The following ZNF235 variants were observed in gnomAD, a reference collection of about 807,000 sequenced individuals.
ZNF235 encodes the protein zinc finger protein 235, also known as zfp-93.
A neutral mutation model predicts 29.4 loss-of-function variants in ZNF235; 25 were observed. The observed-to-expected ratio is 0.85, with a 90% confidence interval of 0.62 to 1.19. The LOEUF (loss-of-function observed/expected upper bound fraction) is 1.19. ZNF235 is among the 50% of genes most tolerant of loss of function. The pLI, the probability that ZNF235 is intolerant of heterozygous loss-of-function variation, is 0.00. For synonymous variants in ZNF235, 300 were observed against 295.3 expected (o/e 1.02, Z -0.16); for missense variants, 788 against 885.0 (o/e 0.89, Z 1.39).
intron 3 of ZNF235, 85 bp downstream of exon 3, chr19:44,299,521 T>C (rs566203320): frequency 8.4e-6 from 13 of 1,555,448 alleles, no homozygotes; most frequent in African/African-American, 1.4e-5. Context: ...GATAGCCTGA[T>C]ACAACACAGA....
rs1189500670 is a variant in ZNF235 at position 44,286,998 on chromosome 19, T to C, written c.*220A>G. On this transcript the variant is annotated 3_prime_UTR_variant, in exon 5 of 5. Coordinates refer to ENST00000291182, the MANE Select transcript of ZNF235 (RefSeq NM_004234.4). ...GGTACTCTGATATAAACACTGATCA[T>C]ATTTACAGAACAAAGTTTTCTCGCA... The C allele has an allele frequency of 3.9e-6, 2 of 507,022 alleles. No homozygotes were observed. Among genetic ancestry groups the C allele is most frequent in the Non-Finnish European group, 6.8e-6 (2 of 292,624 alleles). 31.4% of individuals were successfully genotyped at this position (507,022 alleles called of 1,614,324 possible). A position where few individuals can be genotyped will look rare whatever the true frequency, so the allele number is the denominator to read the frequency against.
rs777249901 is a variant in ZNF235, at chr19:44,287,240, ACT to A, written c.2193_2194del (p.Arg731SerfsTer47). 3 of 1,605,886 alleles carry A rather than the reference ACT, an allele frequency of 1.9e-6. No individual in the cohort carries two copies. The highest frequency in any genetic ancestry group is 1.7e-5 in the Admixed American group (1 of 59,516). ...TTTCTACAGATTCCCTCCAGTGTGG[ACT>A]CTCTGATGGTAGATGAGATGTGACC... On this transcript the variant is annotated frameshift_variant, in exon 5 of 5. Transcript: ENST00000291182. LOFTEE classifies it high-confidence loss of function.
intron 4 of ZNF235, 75 bp from the exon 5 acceptor site, chr19:44,289,271 C>T: frequency 7.5e-7 from 1 of 1,341,574 alleles, no homozygotes. Context: ...AAGATCTAAG[C>T]TCTCATTTTC....
At chr19:44,298,975 T>G in intron 3 of ZNF235, 72 bp from the exon 4 acceptor site, 1 of 1,117,650 alleles carries the variant, frequency 8.9e-7, no homozygotes, top group Non-Finnish European at 1.3e-6. Flanking sequence ...TCCAATCACA[T>G]GATGTAAGTC....
intron 4 of ZNF235, among the ~76,000 whole-genome samples, chr19:44,296,276 T>C (rs1029222178): frequency 1.6e-4 from 25 of 152,188 alleles, no homozygotes; most frequent in African/African-American, 5.8e-4. Context: ...TAAGACAGTA[T>C]GGATATACAG....
chr19:44,293,293 T>A (rs1975609794), intron 4 of ZNF235, among the ~76,000 whole-genome samples: 1 of 152,030 alleles, frequency 6.6e-6, no homozygotes, highest in Admixed American at 6.6e-5. Flanking sequence ...TATTTTTATA[T>A]CAGATAAAAA....
intron 2 of ZNF235, among the ~76,000 whole-genome samples, chr19:44,302,726 G>A (rs1975754724): frequency 6.8e-6 from 1 of 147,898 alleles, no homozygotes; most frequent in African/African-American, 2.5e-5. Context: ...GGGAAACAGG[G>A]TGAGACTCTG....
At chr19:44,292,613 A>G (rs1018188723) in intron 4 of ZNF235, among the ~76,000 whole-genome samples, 1 of 151,944 alleles carries the variant, frequency 6.6e-6, no homozygotes, top group East Asian at 1.9e-4. Context: ...AAGCAACCAA[A>G]CCTATGAATC....
chr19:44,297,688 C>T (rs1488677852), intron 4 of ZNF235, among the ~76,000 whole-genome samples: 4 of 152,102 alleles, frequency 2.6e-5, no homozygotes, highest in African/African-American at 9.7e-5. Context: ...GTCTCGAACT[C>T]CCGACCTCAG....
At chr19:44,293,282 C>T (rs1039698629) in intron 4 of ZNF235, among the ~76,000 whole-genome samples, 2 of 151,858 alleles carry the variant, frequency 1.3e-5, no homozygotes, top group Non-Finnish European at 2.9e-5. Flanking sequence ...GCAGGAGTAG[C>T]TATTTTTATA....
At chr19:44,292,379 T>C (rs569184628) in intron 4 of ZNF235, among the ~76,000 whole-genome samples, 1 of 151,870 alleles carries the variant, frequency 6.6e-6, no homozygotes, top group South Asian at 2.1e-4. Flanking sequence ...AAGAGATAGG[T>C]ATCTTTTTTT....
intron 4 of ZNF235, among the ~76,000 whole-genome samples, chr19:44,296,579 C>A (rs1015091950): frequency 1.8e-4 from 27 of 152,194 alleles, no homozygotes; most frequent in African/African-American, 5.8e-4. Context: ...AGGACATAAG[C>A]AATTTTAGAA....
In ZNF235 at chr19:44,288,256, ATGAATG is replaced by A; in HGVS notation, c.1173_1178del (p.Ile392_His393del). 1.9e-6 allele frequency: 3 copies of A among 1,614,108 alleles called. No homozygotes were observed. The highest frequency in any genetic ancestry group is 2.5e-6 in the Non-Finnish European group (3 of 1,180,010). On this transcript the variant is annotated inframe_deletion, in exon 5 of 5. Transcript: ENST00000291182. Reference sequence around the variant, plus strand: ...GTTTCTCTCCAGTGTGAACTCTGCAATGAATGTTAAGATCTGTGCTACGACTGAAGC... The same window carrying A: ...GTTTCTCTCCAGTGTGAACTCTGCAATTAAGATCTGTGCTACGACTGAAGC...
intron 4 of ZNF235, among the ~76,000 whole-genome samples, chr19:44,294,746 G>T (rs1357982828): frequency 6.7e-6 from 1 of 148,630 alleles, no homozygotes; most frequent in Non-Finnish European, 1.5e-5. Context: ...CACCATGATC[G>T]AGTGGGTTTT....
Position 44,287,595 on chromosome 19 carries a change from G to T in ZNF235, c.1840C>A (p.Leu614Ile). Residue 614 changes from leucine (L) to isoleucine (I), a missense_variant, in exon 5 of 5, where the codon CTT becomes ATT. Leu to Ile is a conservative substitution (Grantham distance 5). Coordinates refer to ENST00000291182, the MANE Select transcript of ZNF235 (RefSeq NM_004234.4). ...GTGTGGACTCTCTGATGGGCTTGAA[G>T]GTGTGAGGCCTGACTGAATCGCTTC... ...CQKRFSQASH[L>I]QAHQRVHTGE... 1 of 1,613,534 alleles carries T rather than the reference G, an allele frequency of 6.2e-7. No individual in the cohort carries two copies. Among genetic ancestry groups the T allele is most frequent in the Non-Finnish European group, 8.5e-7 (1 of 1,179,876 alleles).
chr19:44,302,681 G>A (rs1400540267), intron 2 of ZNF235, among the ~76,000 whole-genome samples: 1 of 150,342 alleles, frequency 6.7e-6, no homozygotes, highest in African/African-American at 2.4e-5. Context: ...CTTGAGCCCA[G>A]GCCCAGGCTG....
intron 2 of ZNF235, among the ~76,000 whole-genome samples, chr19:44,300,256 C>G (rs1975716562): frequency 6.6e-6 from 1 of 152,098 alleles, no homozygotes; most frequent in African/African-American, 2.4e-5. Context: ...ATAAGAGGAC[C>G]TATATCATAG....
At chr19:44,304,824 G>A in intron 1 of ZNF235, 147 bp downstream of exon 1, 2 of 985,450 alleles carry the variant, frequency 2.0e-6, no homozygotes, top group Non-Finnish European at 2.4e-6. Flanking sequence ...GTTCTGCCGA[G>A]GGGACGCAAA....
At chr19:44,292,466 TACAATA>T (rs1379473609) in intron 4 of ZNF235, among the ~76,000 whole-genome samples, 3 of 151,424 alleles carry the variant, frequency 2.0e-5, no homozygotes, top group Admixed American at 2.0e-4. Context: ...TGAAAGCTTT[TACAATA>T]GACTAGACAA....
Sources: allele counts gnomAD v4.1 joint callset (sites outside exome capture counted in the v4.1 genomes callset), GRCh38; gene constraint gnomAD v4.1.1; transcripts MANE v1.5; gene names NCBI Gene and HGNC (gene_info 2026-07-23, HGNC 2026-07-21).